The following CACNA1C variants were observed in gnomAD, a reference collection of about 807,000 sequenced individuals.
CACNA1C encodes the protein voltage-dependent L-type calcium channel subunit alpha-1C.
A neutral mutation model predicts 229.0 loss-of-function variants in CACNA1C; 30 were observed. The ratio of observed to expected loss-of-function variants is 0.13; its 90% confidence interval spans 0.10 to 0.18. CACNA1C has a LOEUF of 0.18. Ranked by LOEUF, CACNA1C falls within the 10% of genes least tolerant of loss-of-function variation. CACNA1C has a pLI of 1.00. For synonymous variants in CACNA1C, 1,114 were observed against 1,132.5 expected (o/e 0.98, Z 0.33); for missense variants, 1,658 against 2,845.0 (o/e 0.58, Z 9.49).
In CACNA1C at chr12:2,546,735, C is replaced by T. The variant is rs537683270; in HGVS notation, c.1391-3208C>T. Among the ~76,000 whole-genome samples, 19 of 152,368 alleles carry T rather than the reference C, an allele frequency of 1.2e-4. No individual in the cohort carries two copies. In the South Asian group the frequency reaches 3.9e-3, roughly 32 times the overall value. ...CTTATTTACAAACTTCCTCAAATGA[C>T]CACCCATTGACAGGCAATTTAACAA... On this transcript the variant is annotated intron_variant, in intron 9 of 46. Coordinates refer to ENST00000399655, the MANE Select transcript of CACNA1C (RefSeq NM_000719.7).
chr12:2,333,094 C>T (rs554485014), intron 3 of CACNA1C, among the ~76,000 whole-genome samples: 8 of 152,236 alleles, frequency 5.3e-5, no homozygotes, highest in Middle Eastern at 3.4e-3. Context: ...GGGAAGACTC[C>T]GTGGGGGAAG....
chr12:2,329,139 C>G (rs1338364015), intron 3 of CACNA1C, among the ~76,000 whole-genome samples: 1 of 152,166 alleles, frequency 6.6e-6, no homozygotes, highest in Non-Finnish European at 1.5e-5. Context: ...GTCCTGTTGG[C>G]CACCTACTGA....
At chr12:2,172,070 C>T (rs1443111381) in intron 3 of CACNA1C, among the ~76,000 whole-genome samples, 2 of 152,212 alleles carry the variant, frequency 1.3e-5, no homozygotes, top group Non-Finnish European at 2.9e-5. Context: ...AATAAATAAA[C>T]TCCTATTGTG....
intron 3 of CACNA1C, among the ~76,000 whole-genome samples, chr12:2,138,266 A>G (rs12230535): frequency 0.14 from 21,326 of 151,130 alleles, 4,468 homozygotes; most frequent in African/African-American, 0.45. Context: ...CCGAGGCTTC[A>G]TCAGATCTGA....
chr12:2,357,072 T>A (rs897354807), intron 3 of CACNA1C, among the ~76,000 whole-genome samples: 1 of 152,246 alleles, frequency 6.6e-6, no homozygotes, highest in Non-Finnish European at 1.5e-5. Flanking sequence ...AAGCTATGCT[T>A]GCAATATGCG....
chr12:2,123,857 G>A (rs4765898), intron 3 of CACNA1C, among the ~76,000 whole-genome samples: 111,311 of 152,160 alleles, frequency 0.73, 41,458 homozygotes, highest in African/African-American at 0.88. Context: ...TGGAAATAAC[G>A]ATAATGACAG....
chr12:2,130,392 C>T (rs80064727), intron 3 of CACNA1C, among the ~76,000 whole-genome samples: 7,038 of 139,522 alleles, frequency 0.05, 461 homozygotes, highest in African/African-American at 0.15. Context: ...CATGCTGGTG[C>T]GCTGCACCCA....
intron 3 of CACNA1C, among the ~76,000 whole-genome samples, chr12:2,261,916 AGCCTT>A (rs1425358504): frequency 6.6e-6 from 1 of 152,214 alleles, no homozygotes; most frequent in Non-Finnish European, 1.5e-5. Context: ...ATCACATAGT[AGCCTT>A]TCCTCCTAGG....
intron 1 of CACNA1C, among the ~76,000 whole-genome samples, chr12:2,089,239 C>T (rs1329246737): frequency 1.3e-5 from 2 of 152,208 alleles, no homozygotes; most frequent in African/African-American, 4.8e-5. Flanking sequence ...CCCTAAACCA[C>T]CCCTGTCTGT....
chr12:1,993,627 G>GGTGTGT (rs150056084), intron 1 of CACNA1C, among the ~76,000 whole-genome samples: 9,656 of 146,576 alleles, frequency 0.066, 480 homozygotes, highest in African/African-American at 0.13. Context: ...CTTCATTTGT[G>GGTGTGT]GTGTGTGTGT....
At chr12:2,468,904 C>T (rs1354354071) in intron 5 of CACNA1C, among the ~76,000 whole-genome samples, 1 of 152,258 alleles carries the variant, frequency 6.6e-6, no homozygotes, top group African/African-American at 2.4e-5. Flanking sequence ...CTTTAGATGC[C>T]TGCCGTGCTC....
chr12:2,171,250 GC>G (rs1380035657), intron 3 of CACNA1C, among the ~76,000 whole-genome samples: 1 of 152,198 alleles, frequency 6.6e-6, no homozygotes, highest in Non-Finnish European at 1.5e-5. Flanking sequence ...AACAGGACTT[GC>G]CTTGGAACTG....
chr12:2,061,877 A>G (rs2057643495), intron 1 of CACNA1C, among the ~76,000 whole-genome samples: 1 of 152,250 alleles, frequency 6.6e-6, no homozygotes, highest in African/African-American at 2.4e-5. Context: ...GGTTTGGAAA[A>G]TAAACTTATT....
At chr12:2,058,773 G>A (rs996800292) in intron 1 of CACNA1C, among the ~76,000 whole-genome samples, 1 of 152,220 alleles carries the variant, frequency 6.6e-6, no homozygotes, top group Non-Finnish European at 1.5e-5. Flanking sequence ...TCGAAGCCGG[G>A]TGTGTAGACT....
chr12:2,379,154 G>A (rs796787834), intron 3 of CACNA1C, among the ~76,000 whole-genome samples: 11 of 152,292 alleles, frequency 7.2e-5, no homozygotes, highest in African/African-American at 2.6e-4. Flanking sequence ...TGACAGAACC[G>A]AGGGAGGGTG....
intron 1 of CACNA1C, among the ~76,000 whole-genome samples, chr12:1,978,781 G>A (rs75744707): frequency 6.6e-6 from 1 of 152,186 alleles, no homozygotes; most frequent in African/African-American, 2.4e-5. Flanking sequence ...ATATAAATGG[G>A]GTCGTACAGT....
intron 5 of CACNA1C, among the ~76,000 whole-genome samples, chr12:2,465,304 T>C (rs988410529): frequency 6.6e-6 from 1 of 152,130 alleles, no homozygotes; most frequent in East Asian, 1.9e-4. Flanking sequence ...CAGAGAGGCA[T>C]GTGTATGATT....
intron 3 of CACNA1C, among the ~76,000 whole-genome samples, chr12:2,325,475 A>C (rs1298103558): frequency 1.3e-5 from 2 of 152,236 alleles, no homozygotes; most frequent in Non-Finnish European, 2.9e-5. Flanking sequence ...TATATGGTTT[A>C]TTGGAAGGAA....
chr12:2,457,597 C>T lies in CACNA1C; in HGVS notation c.648C>T (p.Thr216=). The T allele has an allele frequency of 6.2e-7, 1 of 1,612,936 alleles. No individual in the cohort carries two copies. Among genetic ancestry groups the T allele is most frequent in the Non-Finnish European group, 8.5e-7 (1 of 1,179,412 alleles). ...TTAGTGCAATTTTAGAACAAGCAAC[C>T]AAAGCAGATGGGGCAAACGCTCTCG... The part of the protein sequence containing the change: ...GLFSAILEQA[T]KADGANALGG... Residue 216 remains threonine, a synonymous_variant, in exon 5 of 47, where the codon ACC becomes ACT. Transcript: ENST00000399655.
Sources: gnomAD v4.1 joint callset for allele counts (sites outside exome capture counted in the v4.1 genomes callset) on GRCh38, gnomAD v4.1.1 for gene constraint, MANE v1.5 for transcripts, NCBI Gene and HGNC (gene_info 2026-07-23, HGNC 2026-07-21) for gene names.